CERS4: variants seen among roughly 807,000 people sequenced by gnomAD.
CERS4 encodes ceramide synthase 4, also known as LAG1 homolog, ceramide synthase 4.
CERS4 carries 65 observed loss-of-function variants against 51.8 expected under a neutral mutation model. The ratio of observed to expected loss-of-function variants is 1.26; its 90% confidence interval spans 1.03 to 1.54. CERS4 has a LOEUF of 1.54. Among genes scored for constraint, CERS4 ranks in the 40% most tolerant of loss-of-function variants. CERS4 has a pLI of 0.00. For synonymous variants in CERS4, 228 were observed against 208.4 expected (o/e 1.09, Z -0.81); for missense variants, 563 against 500.4 (o/e 1.13, Z -1.19).
At chr19:8,250,993 CTGAGGCTCCAG>C (rs1568529523) in intron 2 of CERS4, 72 bp from the exon 3 acceptor site, 2 of 1,496,234 alleles carry the variant, frequency 1.3e-6, no homozygotes, top group Non-Finnish European at 1.8e-6. Context: ...AGTAGGAGTT[CTGAGGCTCCAG>C]CCTCTCAGGC....
chr19:8,221,471 G>A (rs1235517543), intron 2 of CERS4, among the ~76,000 whole-genome samples: 1 of 152,136 alleles, frequency 6.6e-6, no homozygotes, highest in Non-Finnish European at 1.5e-5. Context: ...AGGGAGAGAG[G>A]GAGGGAGAGA....
chr19:8,216,994 C>T (rs1266901305), intron 2 of CERS4, among the ~76,000 whole-genome samples: 2 of 152,124 alleles, frequency 1.3e-5, no homozygotes, highest in African/African-American at 4.8e-5. Flanking sequence ...TGGCACTTAA[C>T]ACATGTCAGC....
rs1347811527 is a variant in CERS4 at position 8,256,344 on chromosome 19, G to A, written c.519+58G>A. 3.2e-6 allele frequency: 5 copies of A among 1,581,318 alleles called. No individual in the cohort carries two copies. The Admixed American group carries it at 7.0e-5, about 22-fold the overall frequency. On this transcript the variant is annotated intron_variant, in intron 7 of 11. Coordinates refer to ENST00000251363, the MANE Select transcript of CERS4 (RefSeq NM_024552.3). ...GGTGAGGGCGATGATCACAGTTGCTGCAGCCATGGGCATGGGACCCGAACC... is the reference window on the plus strand; with the variant it reads ...GGTGAGGGCGATGATCACAGTTGCTACAGCCATGGGCATGGGACCCGAACC...
Position 8,255,687 on chromosome 19 carries a change from GGATCGACCCCA to G in CERS4, c.374_384del (p.Asp125AlafsTer7). On this transcript the variant is annotated frameshift_variant, in exon 5 of 12. Transcript: ENST00000251363. LOFTEE classifies it high-confidence loss of function. ...GATGGTTCCGGAGACGCCGGAACCA[GGATCGACCCCA>G]GCTGACCAAGAAGTTCTGTGAGGCC... The G allele has an allele frequency of 6.2e-7, 1 of 1,613,152 alleles. No homozygotes were observed.
intron 10 of CERS4, among the ~76,000 whole-genome samples, chr19:8,260,832 T>C (rs1373088137): frequency 6.6e-6 from 1 of 150,910 alleles, no homozygotes; most frequent in East Asian, 2.0e-4. Context: ...GGGCCTATAA[T>C]CCCAGCTACT....
intron 2 of CERS4, among the ~76,000 whole-genome samples, chr19:8,233,627 AT>A (rs1029988866): frequency 1.3e-5 from 2 of 151,598 alleles, no homozygotes; most frequent in East Asian, 1.9e-4. Flanking sequence ...CTTTGCTTTT[AT>A]TTTTTTTAAC....
At chr19:8,223,526 G>A (rs940106662) in intron 2 of CERS4, among the ~76,000 whole-genome samples, 1 of 152,146 alleles carries the variant, frequency 6.6e-6, no homozygotes, top group Non-Finnish European at 1.5e-5. Context: ...GACTGAGGCA[G>A]GAGAATCACT....
intron 2 of CERS4, among the ~76,000 whole-genome samples, chr19:8,236,481 C>T (rs929151596): frequency 6.6e-5 from 10 of 151,482 alleles, no homozygotes; most frequent in Admixed American, 5.9e-4. Flanking sequence ...CGCTTGAGCC[C>T]AGCCTGGGCA....
intron 2 of CERS4, among the ~76,000 whole-genome samples, chr19:8,213,036 C>A (rs139252073): frequency 7.3e-5 from 11 of 151,338 alleles, no homozygotes; most frequent in African/African-American, 2.2e-4. Flanking sequence ...GCTTTTCTTT[C>A]TTGTTTTTGT....
intron 2 of CERS4, among the ~76,000 whole-genome samples, chr19:8,229,404 CTTCTTTCTTCTTT>C (rs112795385): frequency 0.3 from 40,415 of 135,176 alleles, 5,761 homozygotes; most frequent in East Asian, 0.44. Context: ...TTTTCTTCTT[CTTCTTTCTTCTTT>C]TTTCTTCTTC....
At chr19:8,222,919 G>A (rs569011340) in intron 2 of CERS4, among the ~76,000 whole-genome samples, 1 of 152,294 alleles carries the variant, frequency 6.6e-6, no homozygotes, top group East Asian at 1.9e-4. Context: ...GGAATCCTGG[G>A]TGCCCGGTCT....
At chr19:8,259,932 T>C (rs1969591396) in intron 10 of CERS4, among the ~76,000 whole-genome samples, 1 of 152,032 alleles carries the variant, frequency 6.6e-6, no homozygotes, top group African/African-American at 2.4e-5. Context: ...AGAGTCAGAT[T>C]ACATCCCTCC....
chr19:8,261,896 T>C, intron 11 of CERS4, 34 bp from the exon 12 acceptor site: 2 of 1,611,840 alleles, frequency 1.2e-6, no homozygotes, highest in Non-Finnish European at 1.7e-6. Context: ...CCTTCCTCCC[T>C]GCTCTGAGCT....
At chr19:8,239,960 C>A (rs1968454660) in intron 2 of CERS4, among the ~76,000 whole-genome samples, 1 of 152,088 alleles carries the variant, frequency 6.6e-6, no homozygotes, top group Admixed American at 6.6e-5. Flanking sequence ...GAAGAAGACA[C>A]CCCAATGAAA....
intron 9 of CERS4, 49 bp downstream of exon 9, chr19:8,257,126 C>T: frequency 6.5e-7 from 1 of 1,527,710 alleles, no homozygotes; most frequent in Non-Finnish European, 8.8e-7. Context: ...ACCCAGCCCT[C>T]CCAGGTGCCC....
At position 8,231,497 on chromosome 19, in the gene CERS4, T is replaced by G. The variant is rs140558654; in HGVS notation, c.-1-19579T>G. On this transcript the variant is annotated intron_variant, in intron 2 of 11. Coordinates refer to ENST00000251363, the MANE Select transcript of CERS4 (RefSeq NM_024552.3). Reference sequence around the variant, plus strand: ...CCATGGGCTAAGAGTCAGCAAGAGATGTACACAGACTTTTAATGTAGAATA... The same window carrying G: ...CCATGGGCTAAGAGTCAGCAAGAGAGGTACACAGACTTTTAATGTAGAATA... Among the ~76,000 whole-genome samples, 34 of 152,286 alleles carry G rather than the reference T, an allele frequency of 2.2e-4. No individual in the cohort carries two copies. The East Asian group carries it at 6.2e-3, about 28-fold the overall frequency.
At chr19:8,251,452 C>T (rs1969076089) in intron 3 of CERS4, among the ~76,000 whole-genome samples, 1 of 152,038 alleles carries the variant, frequency 6.6e-6, no homozygotes, top group Non-Finnish European at 1.5e-5. Flanking sequence ...ACACTGACTG[C>T]AGCTGGTTTA....
chr19:8,225,982 G>A (rs1159840321), intron 2 of CERS4, among the ~76,000 whole-genome samples: 1 of 151,982 alleles, frequency 6.6e-6, no homozygotes, highest in Non-Finnish European at 1.5e-5. Flanking sequence ...GATCATTTAA[G>A]TACAGGAGTT....
intron 2 of CERS4, among the ~76,000 whole-genome samples, chr19:8,213,177 C>A (rs986249996): frequency 6.6e-6 from 1 of 152,048 alleles, no homozygotes; most frequent in Admixed American, 6.6e-5. Flanking sequence ...AGCCACCACA[C>A]CTGGCTAATT....
Sources: gnomAD v4.1 joint callset for allele counts (sites outside exome capture counted in the v4.1 genomes callset) on GRCh38, gnomAD v4.1.1 for gene constraint, MANE v1.5 for transcripts, NCBI Gene and HGNC (gene_info 2026-07-23, HGNC 2026-07-21) for gene names.